DACH1: variants seen among roughly 807,000 people sequenced by gnomAD.
The protein encoded by DACH1 is dachshund homolog 1.
In DACH1, 12 loss-of-function variants were observed where a neutral mutation model predicts 54.2. The ratio of observed to expected loss-of-function variants is 0.22; its 90% confidence interval spans 0.14 to 0.36. DACH1 has a LOEUF of 0.36. DACH1 is among the 10% of genes least tolerant of loss of function. DACH1 has a pLI of 1.00. For synonymous variants in DACH1, 386 were observed against 366.2 expected, an observed-to-expected ratio of 1.05 and a Z score of -0.62; for missense variants, 805 against 929.8, an observed-to-expected ratio of 0.87 and a Z score of 1.75.
intron 3 of DACH1, among the ~76,000 whole-genome samples, chr13:71,601,969 C>T (rs2138493154): frequency 6.6e-6 from 1 of 151,946 alleles, no homozygotes; most frequent in Middle Eastern, 3.4e-3. Context: ...ATACAGTAAA[C>T]AGTTACAAAT....
chr13:71,666,399 C>T (rs996076879), intron 2 of DACH1, among the ~76,000 whole-genome samples: 6 of 152,104 alleles, frequency 3.9e-5, no homozygotes, highest in Admixed American at 2.6e-4. Flanking sequence ...TGGTCTGCAT[C>T]TGCAATATGG....
chr13:71,823,764 A>G (rs1888281996), intron 1 of DACH1, among the ~76,000 whole-genome samples: 1 of 152,074 alleles, frequency 6.6e-6, no homozygotes, highest in Non-Finnish European at 1.5e-5. Flanking sequence ...TTATAAGATA[A>G]GCACTGTTAA....
chr13:71,448,113 A>T (rs1256479856), intron 10 of DACH1, among the ~76,000 whole-genome samples: 2 of 152,204 alleles, frequency 1.3e-5, no homozygotes, highest in Non-Finnish European at 2.9e-5. Context: ...TAAACAGGTC[A>T]ACTATTTGTT....
intron 4 of DACH1, among the ~76,000 whole-genome samples, chr13:71,561,440 G>A (rs1884576901): frequency 6.6e-6 from 1 of 152,132 alleles, no homozygotes; most frequent in African/African-American, 2.4e-5. Flanking sequence ...AGATAGGAGG[G>A]AAGAATGTCA....
Position 71,756,535 on chromosome 13 carries a change from A to T in DACH1, c.849-74625T>A, listed in dbSNP as rs551008083. Among the ~76,000 whole-genome samples the T allele has an allele frequency of 3.3e-5, 5 of 151,910 alleles. 1 individual carries two copies. Among genetic ancestry groups the T allele is most frequent in the African/African-American group, 1.2e-4 (5 of 41,444 alleles). ...GTTTTCAAAACAATGAAAAAAAAAA[A>T]CATTTTATTTTAAAAGATACTGTGT... On this transcript the variant is annotated intron_variant, in intron 1 of 10. Coordinates refer to ENST00000613252, the MANE Select transcript of DACH1 (RefSeq NM_080759.6).
intron 1 of DACH1, among the ~76,000 whole-genome samples, chr13:71,832,012 T>C (rs950748242): frequency 4.6e-5 from 7 of 152,104 alleles, no homozygotes; most frequent in South Asian, 2.1e-4. Context: ...CTTCAACTGA[T>C]GTCTTCCTGC....
At chr13:71,493,027 G>GTTTT (rs75774425) in intron 6 of DACH1, among the ~76,000 whole-genome samples, 1 of 140,646 alleles carries the variant, frequency 7.1e-6, no homozygotes. Context: ...TTCTTAATGA[G>GTTTT]TTTTTTTTTT....
rs530630188 is a variant in DACH1 at position 71,602,178 on chromosome 13, T to C, written c.1126+28378A>G. ...ACATTCTGGAAAGCAACACAAAATT[T>C]CCTGTATATTTTCAACATTTCCTTT... On this transcript the variant is annotated intron_variant, in intron 3 of 10. Transcript: ENST00000613252. 3.2e-4 allele frequency among the ~76,000 whole-genome samples: 48 copies of C among 152,134 alleles called. No homozygotes were observed. In the South Asian group the frequency reaches 9.1e-3, roughly 29 times the overall value.
intron 1 of DACH1, among the ~76,000 whole-genome samples, chr13:71,695,555 A>G (rs1881782883): frequency 6.6e-6 from 1 of 152,204 alleles, no homozygotes; most frequent in Non-Finnish European, 1.5e-5. Context: ...AGTGAGAAGA[A>G]TGCATTGAAG....
chr13:71,477,861 A>T (rs1877712885), intron 8 of DACH1, among the ~76,000 whole-genome samples: 1 of 152,182 alleles, frequency 6.6e-6, no homozygotes, highest in Non-Finnish European at 1.5e-5. Context: ...ATAAGTATTG[A>T]TAGTTATTGC....
intron 3 of DACH1, among the ~76,000 whole-genome samples, chr13:71,609,453 G>A (rs1041300220): frequency 6.6e-6 from 1 of 152,110 alleles, no homozygotes; most frequent in Non-Finnish European, 1.5e-5. Context: ...AGTCTAGATT[G>A]AAGACTGAAT....
chr13:71,656,547 G>A (rs1355578854), intron 2 of DACH1, among the ~76,000 whole-genome samples: 1 of 151,814 alleles, frequency 6.6e-6, no homozygotes. Context: ...ACGTTTTGTT[G>A]ATCCTTCTCT....
chr13:71,639,504 T>C (rs1877739456), intron 2 of DACH1, among the ~76,000 whole-genome samples: 1 of 152,122 alleles, frequency 6.6e-6, no homozygotes, highest in African/African-American at 2.4e-5. Context: ...TAAATGTTTG[T>C]ACTAACAACA....
intron 3 of DACH1, among the ~76,000 whole-genome samples, chr13:71,600,925 C>T (rs573065150): frequency 2.1e-4 from 32 of 151,396 alleles, no homozygotes; most frequent in African/African-American, 6.3e-4. Flanking sequence ...TTTGTTGGTT[C>T]GGTGTAACTC....
At chr13:71,776,426 G>T (rs1005986006) in intron 1 of DACH1, among the ~76,000 whole-genome samples, 1 of 151,970 alleles carries the variant, frequency 6.6e-6, no homozygotes, top group Non-Finnish European at 1.5e-5. Flanking sequence ...AATACCTAAA[G>T]AAAAGTTAAA....
intron 6 of DACH1, among the ~76,000 whole-genome samples, chr13:71,513,698 C>T (rs1039085799): frequency 2.6e-5 from 4 of 152,032 alleles, no homozygotes; most frequent in Non-Finnish European, 4.4e-5. Flanking sequence ...TAAATCTAAA[C>T]AATTGATCCA....
At chr13:71,482,793 G>GTTTTTTTT (rs10716729) in intron 7 of DACH1, among the ~76,000 whole-genome samples, 1 of 67,514 alleles carries the variant, frequency 1.5e-5, no homozygotes, top group African/African-American at 4.6e-5. Flanking sequence ...TCAACTGACA[G>GTTTTTTTT]TTTTTTTTTT....
intron 1 of DACH1, among the ~76,000 whole-genome samples, chr13:71,735,796 A>G (rs1377175641): frequency 6.6e-6 from 1 of 151,924 alleles, no homozygotes; most frequent in African/African-American, 2.4e-5. Flanking sequence ...CCATAAGGTA[A>G]TCCATTTCAA....
intron 3 of DACH1, among the ~76,000 whole-genome samples, chr13:71,615,549 C>G (rs1566380083): frequency 6.6e-6 from 1 of 152,132 alleles, no homozygotes; most frequent in South Asian, 2.1e-4. Flanking sequence ...TGACAACTTT[C>G]CTCTTCCTGT....
Sources: allele counts gnomAD v4.1 joint callset (sites outside exome capture counted in the v4.1 genomes callset), GRCh38; gene constraint gnomAD v4.1.1; transcripts MANE v1.5; gene names NCBI Gene and HGNC (gene_info 2026-07-23, HGNC 2026-07-21).